The following RYR1 variants were observed in gnomAD, a reference collection of about 807,000 sequenced individuals.
RYR1 encodes the protein ryanodine receptor 1, also known as central core disease of muscle.
RYR1 carries 342 observed loss-of-function variants against 583.5 expected under a neutral mutation model. The observed-to-expected ratio is 0.59, with a 90% CI of 0.54 to 0.64. The LOEUF is 0.64. Ranked by LOEUF, RYR1 falls within the 30% of genes least tolerant of loss-of-function variation. The pLI, the probability that RYR1 is intolerant of heterozygous loss-of-function variation, is 0.00. For missense variants in RYR1, 6,032 were observed against 6,917.2 expected, an observed-to-expected ratio of 0.87 and a Z score of 4.54; for synonymous variants, 2,791 against 2,822.5, an observed-to-expected ratio of 0.99 and a Z score of 0.35.
At chr19:38,584,035 C>CT (rs997131058) in intron 101 of RYR1, among the ~76,000 whole-genome samples, 3 of 152,020 alleles carry the variant, frequency 2.0e-5, no homozygotes, top group African/African-American at 7.3e-5. Context: ...TGGGAACACT[C>CT]TCCCACCACC....
chr19:38,501,933 C>T (rs148948696), intron 47 of RYR1, among the ~76,000 whole-genome samples: 4 of 152,226 alleles, frequency 2.6e-5, no homozygotes, highest in Admixed American at 6.5e-5. Flanking sequence ...CTGCAGTGAA[C>T]CATGATTACA....
At chr19:38,453,324 A>T (rs1967188966) in intron 13 of RYR1, among the ~76,000 whole-genome samples, 2 of 151,708 alleles carry the variant, frequency 1.3e-5, no homozygotes, top group Middle Eastern at 3.2e-3. Flanking sequence ...GGCGGGGCCT[A>T]TGTGAAGCTC....
chr19:38,548,450 A>G (rs895197320), intron 89 of RYR1, 30 bp downstream of exon 89: 4 of 1,607,210 alleles, frequency 2.5e-6, no homozygotes, highest in Non-Finnish European at 2.6e-6. Context: ...TGGGCCCAGG[A>G]CTTGGGTGGG....
Position 38,455,445 on chromosome 19 carries a change from C to T in RYR1, c.1577-6C>T, listed in dbSNP as rs61586345. 1 of 1,614,152 alleles carries T rather than the reference C, an allele frequency of 6.2e-7. No homozygotes were observed. The highest frequency in any genetic ancestry group is 8.5e-7 in the Non-Finnish European group (1 of 1,180,044). On this transcript the variant is annotated splice_region_variant and splice_polypyrimidine_tract_variant and intron_variant, in intron 14 of 105. Coordinates refer to ENST00000359596, the MANE Select transcript of RYR1 (RefSeq NM_000540.3). ...CTATTGGATCTGACACCTCTTCCCC[C>T]CTCAGCTTCTCTAATCCGTGGCAAT...
In RYR1 at chr19:38,527,800, G is replaced by C; in HGVS notation, c.10824+16G>C. ...CCTGGACCAGGTGGGTGGGGCCGGA[G>C]GGGTCTTTCTACTGGGTCTCTGGGC... On this transcript the variant is annotated intron_variant, in intron 73 of 105. Transcript: ENST00000359596. 5 of 1,613,776 alleles carry C rather than the reference G, an allele frequency of 3.1e-6. No homozygotes were observed. Among genetic ancestry groups the C allele is most frequent in the Non-Finnish European group, 4.2e-6 (5 of 1,179,872 alleles).
intron 83 of RYR1, 38 bp downstream of exon 83, chr19:38,536,805 C>T (rs1270209965): frequency 1.2e-6 from 2 of 1,609,658 alleles, no homozygotes; most frequent in African/African-American, 1.3e-5. Context: ...GTGCTGCTGT[C>T]ACCCACCCCT....
At chr19:38,557,243 C>T (rs1599617439) in intron 89 of RYR1, among the ~76,000 whole-genome samples, 1 of 152,046 alleles carries the variant, frequency 6.6e-6, no homozygotes, top group East Asian at 1.9e-4. Flanking sequence ...ATGCTTCCTT[C>T]ACTTGACAAA....
At chr19:38,534,227 A>G (rs941699797) in intron 78 of RYR1, among the ~76,000 whole-genome samples, 12 of 151,788 alleles carry the variant, frequency 7.9e-5, no homozygotes, top group Non-Finnish European at 1.8e-4. Flanking sequence ...TAGCCAGGAT[A>G]GTCTTGACCT....
intron 101 of RYR1, among the ~76,000 whole-genome samples, chr19:38,582,681 A>C (rs1021296024): frequency 1.3e-5 from 2 of 152,266 alleles, no homozygotes; most frequent in East Asian, 3.9e-4. Flanking sequence ...CCCAAGGTAT[A>C]CCCAGCGTTC....
At chr19:38,519,132 G>C (rs747503956) in intron 66 of RYR1, 82 bp from the exon 67 acceptor site, 1 of 1,609,952 alleles carries the variant, frequency 6.2e-7, no homozygotes, top group East Asian at 2.2e-5. Context: ...TGGAGATGCT[G>C]TTTGGGAGTC....
chr19:38,583,216 G>GAAC (rs1271607910), intron 101 of RYR1, among the ~76,000 whole-genome samples: 9 of 150,978 alleles, frequency 6.0e-5, no homozygotes, highest in Middle Eastern at 6.8e-3. Flanking sequence ...AGAATCTCTT[G>GAAC]AACCCCGGAG....
At position 38,466,261 on chromosome 19, in the gene RYR1, C is replaced by T. The variant is rs528184462; in HGVS notation, c.3041C>T (p.Ala1014Val). 47 of 1,613,200 alleles carry T rather than the reference C, an allele frequency of 2.9e-5. No individual in the cohort carries two copies. The highest frequency in any genetic ancestry group is 8.9e-5 in the East Asian group (4 of 44,864). Residue 1014 changes from alanine (A) to valine (V), a missense_variant, in exon 24 of 106, where the codon GCG (alanine) becomes GTG (valine). Physicochemically the swap from Ala to Val is moderately conservative, Grantham distance 64. Around this residue, in one of 11 missense-constraint regions of RYR1, gnomAD observed 2,627 missense variants for 2,961.3 expected, o/e 0.89. Transcript: ENST00000359596. Reference protein sequence around the residue: ...WSYSAVQDIPARRNPRLVPYR... With the variant: ...WSYSAVQDIPVRRNPRLVPYR... ...TACAGCGCAGTGCAGGACATCCCAGCGCGCCGAAACCCTCGGCTGGTGCCC... is the reference window on the plus strand; with the variant it reads ...TACAGCGCAGTGCAGGACATCCCAGTGCGCCGAAACCCTCGGCTGGTGCCC...
intron 29 of RYR1, among the ~76,000 whole-genome samples, chr19:38,476,028 T>TTC (rs1968705332): frequency 6.6e-6 from 1 of 151,876 alleles, no homozygotes; most frequent in Non-Finnish European, 1.5e-5. Flanking sequence ...CTTTTTTTTT[T>TTC]CTTTTTATTT....
chr19:38,441,598 G>A (rs1412476667), intron 2 of RYR1, among the ~76,000 whole-genome samples: 4 of 151,778 alleles, frequency 2.6e-5, no homozygotes, highest in Admixed American at 2.0e-4. Flanking sequence ...CAAGGCAAAG[G>A]GGCCTGGAGG....
At chr19:38,558,455 C>G (rs760683944) in intron 89 of RYR1, among the ~76,000 whole-genome samples, 12 of 152,068 alleles carry the variant, frequency 7.9e-5, no homozygotes, top group Non-Finnish European at 1.6e-4. Context: ...GTTCATCTAC[C>G]CCATAAATAA....
Position 38,537,462 on chromosome 19 carries a change from C to A in RYR1, c.11609-418C>A, listed in dbSNP as rs150714123. Among the ~76,000 whole-genome samples, 14 of 152,286 alleles carry A rather than the reference C, an allele frequency of 9.2e-5. No individual in the cohort carries two copies. The East Asian group carries it at 2.7e-3, about 29-fold the overall frequency. ...TCCCTCCCAGCCCAATCTTCCCCTG[C>A]CCAGAGCCTTTGTGTGAAGGTGACC... is the stretch of plus-strand genomic sequence containing the variant. On this transcript the variant is annotated intron_variant, in intron 83 of 105. Transcript: ENST00000359596.
Position 38,494,747 on chromosome 19 carries a change from T to C in RYR1, c.6548+122T>C, listed in dbSNP as rs954674569. 3.1e-5 allele frequency: 38 copies of C among 1,239,436 alleles called. 1 individual carries two copies. Among genetic ancestry groups the C allele is most frequent in the African/African-American group, 2.1e-4 (14 of 68,022 alleles). 76.8% of individuals were successfully genotyped at this position (1,239,436 alleles called of 1,614,324 possible). A position where few individuals can be genotyped will look rare whatever the true frequency, so the allele number is the denominator to read the frequency against. On this transcript the variant is annotated intron_variant, in intron 39 of 105. Coordinates refer to ENST00000359596, the MANE Select transcript of RYR1 (RefSeq NM_000540.3). ...CCTCTGGGTGATCTCAGTCTCTCGA[T>C]GGCTAGCTCACCTCCTGGGTAATGT...
At chr19:38,491,972 A>G (rs534497296) in intron 37 of RYR1, among the ~76,000 whole-genome samples, 1 of 152,332 alleles carries the variant, frequency 6.6e-6, no homozygotes, top group East Asian at 1.9e-4. Context: ...TTCTTCAGAC[A>G]TGGTTTCCTT....
chr19:38,581,799 G>T (rs532950562), intron 101 of RYR1, among the ~76,000 whole-genome samples: 2 of 150,368 alleles, frequency 1.3e-5, no homozygotes, highest in Admixed American at 6.7e-5. Context: ...GAGGTGGGGG[G>T]GTCTCACAAT....
Sources: gnomAD v4.1 joint callset for allele counts (sites outside exome capture counted in the v4.1 genomes callset) on GRCh38, gnomAD v4.1.1 for gene constraint, gnomAD v4.1.1 regional missense constraint, MANE v1.5 for transcripts, NCBI Gene and HGNC (gene_info 2026-07-23, HGNC 2026-07-21) for gene names.